REV1: variants seen among roughly 807,000 people sequenced by gnomAD.
REV1 encodes the protein translesion synthesis protein REV1.
A neutral mutation model predicts 137.4 loss-of-function variants in REV1; 42 were observed. The observed-to-expected ratio is 0.31, with a 90% confidence interval of 0.24 to 0.40. The LOEUF is 0.40. REV1 is among the 10% of genes least tolerant of loss of function. REV1 has a pLI of 1.00. For synonymous variants in REV1, 524 were observed against 519.2 expected (o/e 1.01, Z -0.12); for missense variants, 1,282 against 1,490.1 (o/e 0.86, Z 2.30).
intron 2 of REV1, among the ~76,000 whole-genome samples, chr2:99,463,411 C>G (rs1001696027): frequency 2.6e-5 from 4 of 151,966 alleles, no homozygotes; most frequent in Non-Finnish European, 5.9e-5. Flanking sequence ...CCCAGTTACT[C>G]AGGAGGCTGA....
chr2:99,415,260 A>G (rs1401499710), intron 12 of REV1, among the ~76,000 whole-genome samples: 1 of 152,226 alleles, frequency 6.6e-6, no homozygotes, highest in African/African-American at 2.4e-5. Flanking sequence ...CCGGGCCCAA[A>G]GAGTGCAGCC....
intron 4 of REV1, among the ~76,000 whole-genome samples, chr2:99,442,752 A>T (rs1212643562): frequency 3.3e-5 from 5 of 152,188 alleles, no homozygotes; most frequent in Non-Finnish European, 7.4e-5. Flanking sequence ...GACTTCATCA[A>T]AATCTCATCT....
At chr2:99,465,024 CAT>C (rs942499602) in intron 1 of REV1, 39 bp from the exon 2 acceptor site, 2 of 1,439,926 alleles carry the variant, frequency 1.4e-6, no homozygotes, top group Non-Finnish European at 1.9e-6. Context: ...AATTTTATAA[CAT>C]AATGTATTTC....
At chr2:99,409,051 G>C (rs1005763767) in intron 14 of REV1, among the ~76,000 whole-genome samples, 1 of 152,176 alleles carries the variant, frequency 6.6e-6, no homozygotes, top group African/African-American at 2.4e-5. Context: ...AACGCTGGGA[G>C]GTCAAGGCAA....
At chr2:99,425,432 G>A (rs1404143503) in intron 9 of REV1, among the ~76,000 whole-genome samples, 3 of 152,154 alleles carry the variant, frequency 2.0e-5, no homozygotes, top group African/African-American at 7.2e-5. Context: ...TTGATGTGTC[G>A]AGGACTTAGC....
chr2:99,412,523 C>T (rs1242464634), intron 13 of REV1, among the ~76,000 whole-genome samples: 1 of 151,912 alleles, frequency 6.6e-6, no homozygotes, highest in Non-Finnish European at 1.5e-5. Flanking sequence ...AGTATATTTC[C>T]CCAAGAGCTA....
At chr2:99,442,029 A>G (rs1681547564) in intron 5 of REV1, among the ~76,000 whole-genome samples, 1 of 151,654 alleles carries the variant, frequency 6.6e-6, no homozygotes, top group Non-Finnish European at 1.5e-5. Flanking sequence ...CAAGGAAGGT[A>G]GATCACAAGG....
At chr2:99,481,882 C>T (rs1197355426) in intron 1 of REV1, among the ~76,000 whole-genome samples, 2 of 151,978 alleles carry the variant, frequency 1.3e-5, no homozygotes, top group African/African-American at 4.8e-5. Flanking sequence ...AAAAATTTGA[C>T]TGGCCATTGT....
chr2:99,489,356 T>C (rs1275157644), intron 1 of REV1, among the ~76,000 whole-genome samples: 1 of 151,966 alleles, frequency 6.6e-6, no homozygotes, highest in African/African-American at 2.4e-5. Context: ...CTACAAACGC[T>C]TGTGGAACGA....
intron 8 of REV1, among the ~76,000 whole-genome samples, chr2:99,433,007 G>C (rs1575083945): frequency 6.6e-6 from 1 of 152,172 alleles, no homozygotes; most frequent in South Asian, 2.1e-4. Flanking sequence ...GAGAGACTCT[G>C]AGCACTGAAG....
At chr2:99,411,513 T>A (rs954804033) in intron 13 of REV1, among the ~76,000 whole-genome samples, 23 of 151,402 alleles carry the variant, frequency 1.5e-4, no homozygotes, top group Admixed American at 5.9e-4. Context: ...TTCAAGTGAT[T>A]CTCCTTCCTC....
intron 9 of REV1, among the ~76,000 whole-genome samples, chr2:99,426,406 A>G (rs936209128): frequency 6.6e-6 from 1 of 152,062 alleles, no homozygotes; most frequent in African/African-American, 2.4e-5. Flanking sequence ...TATATTTACA[A>G]TATTTTCATT....
At chr2:99,425,474 A>C (rs1330468565) in intron 9 of REV1, among the ~76,000 whole-genome samples, 1 of 152,212 alleles carries the variant, frequency 6.6e-6, no homozygotes, top group East Asian at 1.9e-4. Flanking sequence ...CAAATAAAGC[A>C]AACTCCATGA....
intron 4 of REV1, among the ~76,000 whole-genome samples, chr2:99,446,458 G>A (rs1252665850): frequency 6.6e-6 from 1 of 152,092 alleles, no homozygotes; most frequent in South Asian, 2.1e-4. Flanking sequence ...AAAAGAACAC[G>A]TGCAAAACAA....
intron 15 of REV1, 25 bp from the exon 16 acceptor site, chr2:99,406,515 C>G (rs1486406116): frequency 6.5e-7 from 1 of 1,530,766 alleles, no homozygotes; most frequent in African/African-American, 1.4e-5. Context: ...AAAGAGTATG[C>G]TTCTAGGAAA....
chr2:99,473,910 C>T (rs953382381), intron 1 of REV1, among the ~76,000 whole-genome samples: 6 of 152,198 alleles, frequency 3.9e-5, no homozygotes, highest in African/African-American at 1.4e-4. Flanking sequence ...TTATACACTG[C>T]TTTGTAATGC....
At chr2:99,440,000 A>G (rs1350406963) in intron 5 of REV1, among the ~76,000 whole-genome samples, 1 of 152,192 alleles carries the variant, frequency 6.6e-6, no homozygotes, top group East Asian at 1.9e-4. Context: ...GTGTGGGGGT[A>G]ATTCAGTAAA....
upstream of REV1, chr2:99,490,044 G>GCGCGCCGCAGC (rs1242899030): frequency 6.8e-6 from 1 of 146,964 alleles, no homozygotes; most frequent in Non-Finnish European, 1.5e-5. Context: ...CGGTTAGCGC[G>GCGCGCCGCAGC]CGCGCCGCAG....
rs929717705 is a variant in REV1 at position 99,424,293 on chromosome 2, C to T, written c.1548-13G>A. The T allele has an allele frequency of 3.1e-6, 5 of 1,610,996 alleles. No individual in the cohort carries two copies. The highest frequency in any genetic ancestry group is 4.2e-6 in the Non-Finnish European group (5 of 1,178,870). ...AATGCCAAGTTGCCTAGAGCGAGAACAAAACACAATGGAGGTTATTCTAGG... is the reference window on the plus strand; with the variant it reads ...AATGCCAAGTTGCCTAGAGCGAGAATAAAACACAATGGAGGTTATTCTAGG... On this transcript the variant is annotated splice_polypyrimidine_tract_variant and intron_variant, in intron 9 of 22. Transcript: ENST00000258428.
Sources: gnomAD v4.1 joint callset for allele counts (sites outside exome capture counted in the v4.1 genomes callset) on GRCh38, gnomAD v4.1.1 for gene constraint, MANE v1.5 for transcripts, NCBI Gene and HGNC (gene_info 2026-07-23, HGNC 2026-07-21) for gene names.